GABRB1: variants seen among roughly 807,000 people sequenced by gnomAD.
GABRB1 encodes the protein gamma-aminobutyric acid receptor subunit beta-1.
In GABRB1, 17 loss-of-function variants were observed where a neutral mutation model predicts 51.6. The observed-to-expected ratio is 0.33, with a 90% CI of 0.23 to 0.49. GABRB1 has a LOEUF of 0.49. GABRB1 is among the 20% of genes least tolerant of loss of function. GABRB1 has a pLI of 0.99. For missense variants in GABRB1, 410 were observed against 600.6 expected, an observed-to-expected ratio of 0.68 and a Z score of 3.32; for synonymous variants, 247 against 218.9, an observed-to-expected ratio of 1.13 and a Z score of -1.14.
chr4:47,195,438 AGATAGATG>A (rs1421631671), intron 4 of GABRB1, among the ~76,000 whole-genome samples: 1 of 110,014 alleles, frequency 9.1e-6, no homozygotes, highest in Non-Finnish European at 1.8e-5. Flanking sequence ...ATAGATAGAT[AGATAGATG>A]ATAGATAGAT....
In GABRB1 at chr4:47,318,760, G is replaced by A. The variant is rs1042671623; in HGVS notation, c.462-1367G>A. 3.3e-5 allele frequency among the ~76,000 whole-genome samples: 5 copies of A among 151,964 alleles called. 1 individual carries two copies. In the South Asian group the frequency reaches 1.0e-3, roughly 32 times the overall value. The stretch of plus-strand genomic sequence containing the variant: ...GTGTGAGAGTAACTAAAATTCAGAT[G>A]GTGAGTCCACATTTACAAGTTTTTG... On this transcript the variant is annotated intron_variant, in intron 4 of 8. Coordinates refer to ENST00000295454, the MANE Select transcript of GABRB1 (RefSeq NM_000812.4).
chr4:47,165,261 T>TAA (rs1242956826), intron 4 of GABRB1, among the ~76,000 whole-genome samples: 1 of 152,106 alleles, frequency 6.6e-6, no homozygotes, highest in Non-Finnish European at 1.5e-5. Context: ...TGTCTGCATG[T>TAA]AATCTTCTTG....
intron 4 of GABRB1, among the ~76,000 whole-genome samples, chr4:47,302,388 A>C (rs917720732): frequency 6.6e-6 from 1 of 151,976 alleles, no homozygotes; most frequent in Non-Finnish European, 1.5e-5. Flanking sequence ...AAAACCTTCT[A>C]TTTTCATAAG....
intron 5 of GABRB1, among the ~76,000 whole-genome samples, chr4:47,332,558 A>G (rs4508859): frequency 0.62 from 94,702 of 151,960 alleles, 29,695 homozygotes; most frequent in East Asian, 0.7. Context: ...AAGATGAAAG[A>G]CTTTTAAAGG....
chr4:47,227,065 T>G (rs539558831), intron 4 of GABRB1, among the ~76,000 whole-genome samples: 1 of 152,278 alleles, frequency 6.6e-6, no homozygotes, highest in East Asian at 1.9e-4. Context: ...AGCATTGCAG[T>G]GTTTATTATT....
chr4:47,385,193 A>G (rs992971637), intron 5 of GABRB1, among the ~76,000 whole-genome samples: 3 of 152,208 alleles, frequency 2.0e-5, no homozygotes, highest in African/African-American at 7.2e-5. Context: ...GACTAGTTGA[A>G]CAGCAAGATC....
chr4:47,108,477 T>A (rs372680496), intron 3 of GABRB1, among the ~76,000 whole-genome samples: 1 of 152,062 alleles, frequency 6.6e-6, no homozygotes, highest in African/African-American at 2.4e-5. Flanking sequence ...ACTTTTTATT[T>A]CTTCTTTAAT....
intron 3 of GABRB1, among the ~76,000 whole-genome samples, chr4:47,147,813 C>T (rs1350064124): frequency 6.6e-6 from 1 of 151,998 alleles, no homozygotes; most frequent in African/African-American, 2.4e-5. Flanking sequence ...GAACCAAGAC[C>T]AAGGTGGCTG....
At chr4:47,150,981 T>C (rs1283056561) in intron 3 of GABRB1, among the ~76,000 whole-genome samples, 2 of 151,930 alleles carry the variant, frequency 1.3e-5, no homozygotes, top group African/African-American at 2.4e-5. Context: ...AGAGATAATG[T>C]GGTAAAGTTG....
intron 1 of GABRB1, among the ~76,000 whole-genome samples, chr4:47,024,932 T>TTATATATATATATATATATATATATATA: frequency 1.4e-4 from 1 of 6,944 alleles, no homozygotes; most frequent in Non-Finnish European, 2.2e-4. Context: ...TAGTATTCCA[T>TTATATATATATATATATATATATATATA]CATATATATA....
intron 4 of GABRB1, among the ~76,000 whole-genome samples, chr4:47,177,903 T>G (rs1401371308): frequency 1.3e-5 from 2 of 151,694 alleles, no homozygotes; most frequent in Non-Finnish European, 2.9e-5. Context: ...AAACTCTGTT[T>G]AGGCTAGTAC....
At chr4:47,119,852 T>C (rs1313454646) in intron 3 of GABRB1, among the ~76,000 whole-genome samples, 1 of 151,686 alleles carries the variant, frequency 6.6e-6, no homozygotes, top group Non-Finnish European at 1.5e-5. Context: ...ATCTGTAACA[T>C]AAAACTACTC....
intron 4 of GABRB1, among the ~76,000 whole-genome samples, chr4:47,273,208 A>G (rs1233690328): frequency 2.6e-5 from 4 of 152,226 alleles, no homozygotes. Context: ...CATGTTATAC[A>G]GGAGCTTTGC....
chr4:47,220,577 T>C (rs1225598872), intron 4 of GABRB1, among the ~76,000 whole-genome samples: 1 of 151,958 alleles, frequency 6.6e-6, no homozygotes, highest in African/African-American at 2.4e-5. Flanking sequence ...AAAATGAGCA[T>C]ACATAAACTC....
chr4:47,209,666 G>A (rs758110765), intron 4 of GABRB1, among the ~76,000 whole-genome samples: 26 of 152,102 alleles, frequency 1.7e-4, no homozygotes, highest in Non-Finnish European at 2.8e-4. Flanking sequence ...CAGAGTGCCT[G>A]TTCTATCATA....
intron 5 of GABRB1, among the ~76,000 whole-genome samples, chr4:47,392,310 G>C (rs1378051313): frequency 6.6e-6 from 1 of 151,190 alleles, no homozygotes; most frequent in Non-Finnish European, 1.5e-5. Flanking sequence ...CAAGAGCCAG[G>C]AACAGGAAGC....
chr4:47,289,841 C>G (rs1271191920), intron 4 of GABRB1, among the ~76,000 whole-genome samples: 1 of 152,176 alleles, frequency 6.6e-6, no homozygotes, highest in East Asian at 1.9e-4. Flanking sequence ...TTACATTAAA[C>G]TATGTTATGG....
chr4:47,165,156 C>T (rs75229833), intron 4 of GABRB1, among the ~76,000 whole-genome samples: 359 of 152,130 alleles, frequency 2.4e-3, no homozygotes, highest in African/African-American at 8.6e-3. Context: ...ATATCACCTC[C>T]GTCTATGTCA....
chr4:47,356,165 C>A (rs1726562151), intron 5 of GABRB1, among the ~76,000 whole-genome samples: 1 of 152,250 alleles, frequency 6.6e-6, no homozygotes, highest in South Asian at 2.1e-4. Context: ...GGTTTGTAAA[C>A]CCTAAGACTA....
Sources: gnomAD v4.1 joint callset for allele counts (sites outside exome capture counted in the v4.1 genomes callset) on GRCh38, gnomAD v4.1.1 for gene constraint, MANE v1.5 for transcripts, NCBI Gene and HGNC (gene_info 2026-07-23, HGNC 2026-07-21) for gene names.